The following ZNF654 variants were observed in gnomAD, a reference collection of about 807,000 sequenced individuals.
ZNF654 encodes the protein zinc finger protein 654, also known as melanoma-associated antigen.
Under a neutral mutation model 95.3 loss-of-function variants are expected in ZNF654, and 19 were observed. That is an observed-to-expected ratio of 0.20 (90% CI 0.14 to 0.29). The LOEUF (loss-of-function observed/expected upper bound fraction) is 0.29, where lower values mean the gene tolerates loss of function less well. Among genes scored for constraint, ZNF654 ranks in the 10% least tolerant of loss-of-function variants. The probability of loss-of-function intolerance (pLI) is 1.00; values close to 1 mark genes in which losing one functional copy is unlikely to be tolerated. For synonymous variants in ZNF654, 413 were observed against 457.9 expected (o/e 0.90, Z 1.25); for missense variants, 1,046 against 1,341.0 (o/e 0.78, Z 3.44).
intron 6 of ZNF654, among the ~76,000 whole-genome samples, chr3:88,131,722 A>T (rs1198778533): frequency 6.6e-6 from 1 of 152,048 alleles, no homozygotes; most frequent in Non-Finnish European, 1.5e-5. Flanking sequence ...TTCCTTCTAA[A>T]TAGCGTGGGT....
intron 2 of ZNF654, among the ~76,000 whole-genome samples, chr3:88,107,416 C>A (rs1704809599): frequency 6.6e-6 from 1 of 152,126 alleles, no homozygotes; most frequent in South Asian, 2.1e-4. Context: ...ATATCTTTCT[C>A]TGTTTATCCA....
At chr3:88,101,123 T>G (rs1239932409) in intron 2 of ZNF654, among the ~76,000 whole-genome samples, 1 of 152,198 alleles carries the variant, frequency 6.6e-6, no homozygotes, top group Non-Finnish European at 1.5e-5. Flanking sequence ...ATGTAAAGCT[T>G]TATTAAAAAG....
chr3:88,091,332 T>C lies in ZNF654; in HGVS notation c.332+4930T>C, dbSNP rs148309301. 5.3e-3 allele frequency among the ~76,000 whole-genome samples: 812 copies of C among 152,136 alleles called. 5 individuals are homozygous for C. Among genetic ancestry groups the C allele is most frequent in the African/African-American group, 0.017 (697 of 41,474 alleles). On this transcript the variant is annotated intron_variant, in intron 2 of 8. Coordinates refer to ENST00000636215, the MANE Select transcript of ZNF654 (RefSeq NM_001350134.2). ...ATAAATAATCACACTACAAGGAAAATGTTTACATTATTTTGCAGATTACCA... is the reference window on the plus strand; with the variant it reads ...ATAAATAATCACACTACAAGGAAAACGTTTACATTATTTTGCAGATTACCA...
At chr3:88,098,503 C>T (rs184638529) in intron 2 of ZNF654, among the ~76,000 whole-genome samples, 388 of 152,258 alleles carry the variant, frequency 2.5e-3, no homozygotes, top group African/African-American at 9.1e-3. Context: ...CATCCTGATA[C>T]TAAAGCCTGG....
chr3:88,095,815 C>T (rs1704025295), intron 2 of ZNF654: 1 of 449,004 alleles, frequency 2.2e-6, no homozygotes, highest in Non-Finnish European at 4.3e-6. Context: ...AAGTTTTTCT[C>T]AGATTCCCAA....
intron 2 of ZNF654, among the ~76,000 whole-genome samples, chr3:88,103,350 T>A (rs1306919593): frequency 1.3e-5 from 2 of 152,158 alleles, no homozygotes; most frequent in African/African-American, 4.8e-5. Context: ...AGATGAAGAA[T>A]GGCTAAGACC....
At chr3:88,093,437 A>AT (rs1703868716) in intron 2 of ZNF654, among the ~76,000 whole-genome samples, 2 of 152,192 alleles carry the variant, frequency 1.3e-5, no homozygotes, top group African/African-American at 4.8e-5. Flanking sequence ...GACAGCAGGT[A>AT]TTTGCCTGAC....
chr3:88,069,084 A>G lies in ZNF654; in HGVS notation c.186+9579A>G, dbSNP rs571792128. Among the ~76,000 whole-genome samples, 3 of 152,322 alleles carry G rather than the reference A, an allele frequency of 2.0e-5. No individual in the cohort carries two copies. In the East Asian group the frequency reaches 5.8e-4, roughly 29 times the overall value. Reference sequence around the variant, plus strand: ...CTAAAGATGTTCATAAATGTGAAACAGAAGAAAAAAATCAAATTCAATCTA... The same window carrying G: ...CTAAAGATGTTCATAAATGTGAAACGGAAGAAAAAAATCAAATTCAATCTA... On this transcript the variant is annotated intron_variant, in intron 1 of 8. Coordinates refer to ENST00000636215, the MANE Select transcript of ZNF654 (RefSeq NM_001350134.2).
chr3:88,059,594 T>G, intron 1 of ZNF654, 89 bp downstream of exon 1: 6 of 1,368,928 alleles, frequency 4.4e-6, no homozygotes, highest in Non-Finnish European at 4.7e-6. Context: ...ATCTGGTCTA[T>G]GTCCAGTGCC....
chr3:88,106,028 C>T (rs142385662), intron 2 of ZNF654, among the ~76,000 whole-genome samples: 294 of 152,266 alleles, frequency 1.9e-3, no homozygotes, highest in African/African-American at 6.0e-3. Context: ...TGGCATTCAC[C>T]GTGCCATCTT....
intron 2 of ZNF654, among the ~76,000 whole-genome samples, chr3:88,109,177 G>GTGTGTA (rs1309461364): frequency 1.8e-4 from 28 of 151,442 alleles, no homozygotes; most frequent in Non-Finnish European, 3.8e-4. Flanking sequence ...GTGTGTGTGT[G>GTGTGTA]TGTATGAAGA....
chr3:88,098,262 C>A (rs535904304), intron 2 of ZNF654, among the ~76,000 whole-genome samples: 1 of 152,168 alleles, frequency 6.6e-6, no homozygotes, highest in East Asian at 1.9e-4. Context: ...ACACATACAC[C>A]CTCCAAAGAC....
intron 5 of ZNF654, 125 bp from the exon 6 acceptor site, chr3:88,129,559 GTCA>G (rs999308601): frequency 1.7e-5 from 12 of 710,048 alleles, no homozygotes; most frequent in Non-Finnish European, 2.6e-5. Context: ...TTCTGTACAA[GTCA>G]TCATTGTCTT....
Position 88,139,559 on chromosome 3 carries a change from TGGGAATTCTGATAGTAA to T in ZNF654, c.1893_1909del (p.Asn632PhefsTer10), listed in dbSNP as rs1559736663. 1 of 1,613,546 alleles carries T rather than the reference TGGGAATTCTGATAGTAA, an allele frequency of 6.2e-7. No homozygotes were observed. Among genetic ancestry groups the T allele is most frequent in the Admixed American group, 1.7e-5 (1 of 59,934 alleles). On this transcript the variant is annotated frameshift_variant, in exon 8 of 9. Transcript: ENST00000636215. LOFTEE classifies it high-confidence loss of function. Reference sequence around the variant, plus strand: ...CTAGTTCTTCCATTTCATTTGAAAATGGGAATTCTGATAGTAAGGATTTGGAAGTGGAGACACTTACT... The same window carrying T: ...CTAGTTCTTCCATTTCATTTGAAAATGGATTTGGAAGTGGAGACACTTACT...
chr3:88,081,293 G>T (rs1475506787), intron 1 of ZNF654, among the ~76,000 whole-genome samples: 1 of 152,122 alleles, frequency 6.6e-6, no homozygotes, highest in African/African-American at 2.4e-5. Context: ...TTAAGTTTAT[G>T]TGGGGGTTTT....
At chr3:88,072,167 A>G (rs1576203098) in intron 1 of ZNF654, among the ~76,000 whole-genome samples, 1 of 152,218 alleles carries the variant, frequency 6.6e-6, no homozygotes, top group African/African-American at 2.4e-5. Flanking sequence ...CTCTAAAGGA[A>G]CTGAATTATC....
intron 4 of ZNF654, among the ~76,000 whole-genome samples, chr3:88,127,247 G>A (rs186568024): frequency 7.9e-5 from 12 of 152,236 alleles, no homozygotes; most frequent in Admixed American, 6.5e-4. Flanking sequence ...AAATTTTGTT[G>A]AGCAGGTTAT....
intron 2 of ZNF654, among the ~76,000 whole-genome samples, chr3:88,111,458 A>G (rs1044992124): frequency 1.3e-5 from 2 of 151,828 alleles, no homozygotes; most frequent in African/African-American, 2.4e-5. Context: ...TAATGAATAT[A>G]TATCTCTGGG....
intron 1 of ZNF654, among the ~76,000 whole-genome samples, chr3:88,072,157 C>G (rs1344611179): frequency 6.6e-6 from 1 of 152,120 alleles, no homozygotes; most frequent in Non-Finnish European, 1.5e-5. Context: ...ACCATCCTTG[C>G]TCTAAAGGAA....
Sources: allele counts gnomAD v4.1 joint callset (sites outside exome capture counted in the v4.1 genomes callset), GRCh38; gene constraint gnomAD v4.1.1; transcripts MANE v1.5; gene names NCBI Gene and HGNC (gene_info 2026-07-23, HGNC 2026-07-21).